Variants in TNR observed in about 807,000 individuals in gnomAD.
TNR encodes tenascin R.
A neutral mutation model predicts 150.4 loss-of-function variants in TNR; 45 were observed. The ratio of observed to expected loss-of-function variants is 0.30; its 90% CI spans 0.24 to 0.38. TNR has a LOEUF of 0.38. TNR is among the 10% of genes least tolerant of loss of function. The pLI, the probability that TNR is intolerant of heterozygous loss-of-function variation, is 1.00. For missense variants in TNR, 1,544 were observed against 1,759.1 expected (o/e 0.88, Z 2.19); for synonymous variants, 687 against 678.4 (o/e 1.01, Z -0.20).
intron 1 of TNR, among the ~76,000 whole-genome samples, chr1:175,550,000 A>G (rs895356839): frequency 6.6e-6 from 1 of 152,186 alleles, no homozygotes; most frequent in African/African-American, 2.4e-5. Context: ...GTTGTGCAGC[A>G]ATAGAGAGCT....
At chr1:175,451,786 A>ATG (rs1656335686) in intron 2 of TNR, among the ~76,000 whole-genome samples, 1 of 152,192 alleles carries the variant, frequency 6.6e-6, no homozygotes, top group South Asian at 2.1e-4. Context: ...CTGAAAAATG[A>ATG]CTTAGCATTT....
chr1:175,656,346 C>A (rs150924815), intron 1 of TNR, among the ~76,000 whole-genome samples: 1 of 152,262 alleles, frequency 6.6e-6, no homozygotes, highest in Non-Finnish European at 1.5e-5. Flanking sequence ...TAATGCAGGG[C>A]AGCCATAAGC....
chr1:175,644,542 C>A (rs1571707795), intron 1 of TNR, among the ~76,000 whole-genome samples: 1 of 152,302 alleles, frequency 6.6e-6, no homozygotes, highest in East Asian at 1.9e-4. Flanking sequence ...TCCTCAGCAG[C>A]CCTCATCCAA....
At chr1:175,388,717 G>A (rs1653043078) in intron 7 of TNR, among the ~76,000 whole-genome samples, 1 of 152,102 alleles carries the variant, frequency 6.6e-6, no homozygotes. Flanking sequence ...AAAGTAAACT[G>A]GAATAAATGT....
chr1:175,334,891 A>C (rs1177480939), intron 20 of TNR, among the ~76,000 whole-genome samples: 2 of 152,264 alleles, frequency 1.3e-5, no homozygotes, highest in Non-Finnish European at 2.9e-5. Flanking sequence ...AAAGACAAGA[A>C]GAACCTGTTG....
At chr1:175,336,422 C>G (rs940126211) in intron 19 of TNR, among the ~76,000 whole-genome samples, 1 of 152,196 alleles carries the variant, frequency 6.6e-6, no homozygotes, top group Admixed American at 6.5e-5. Context: ...CATCACCATT[C>G]AAAACCTACC....
intron 1 of TNR, among the ~76,000 whole-genome samples, chr1:175,560,302 A>C (rs973003251): frequency 1.3e-5 from 2 of 152,348 alleles, no homozygotes; most frequent in Non-Finnish European, 2.9e-5. Flanking sequence ...CTGCATCTTC[A>C]TCTAAATCCT....
At chr1:175,605,320 A>G (rs1327343745) in intron 1 of TNR, among the ~76,000 whole-genome samples, 1 of 152,184 alleles carries the variant, frequency 6.6e-6, no homozygotes, top group African/African-American at 2.4e-5. Context: ...CTCACTGTTG[A>G]GAGGTTTGTA....
At chr1:175,646,263 C>T (rs965761596) in intron 1 of TNR, among the ~76,000 whole-genome samples, 1 of 152,168 alleles carries the variant, frequency 6.6e-6, no homozygotes, top group African/African-American at 2.4e-5. Context: ...GGATCTAACA[C>T]CAATTTTGCA....
intron 1 of TNR, among the ~76,000 whole-genome samples, chr1:175,728,851 T>C (rs1015403205): frequency 2.0e-5 from 3 of 152,154 alleles, no homozygotes; most frequent in African/African-American, 7.2e-5. Context: ...TTTGCATAAG[T>C]GATATTGGAG....
chr1:175,666,733 C>G (rs1420288510), intron 1 of TNR, among the ~76,000 whole-genome samples: 1 of 152,208 alleles, frequency 6.6e-6, no homozygotes, highest in Non-Finnish European at 1.5e-5. Flanking sequence ...AAAACTTTCT[C>G]TGCTCCCTAG....
intron 2 of TNR, among the ~76,000 whole-genome samples, chr1:175,496,112 G>A (rs559403388): frequency 9.3e-4 from 141 of 152,238 alleles, no homozygotes; most frequent in African/African-American, 3.3e-3. Context: ...TCATGTTCTC[G>A]TGAGTTTTCC....
At chr1:175,459,722 G>A (rs1656729811) in intron 2 of TNR, among the ~76,000 whole-genome samples, 1 of 152,142 alleles carries the variant, frequency 6.6e-6, no homozygotes, top group Non-Finnish European at 1.5e-5. Context: ...GGCAGACAGG[G>A]GCTGTTTCTC....
chr1:175,645,119 A>G (rs919173940), intron 1 of TNR, among the ~76,000 whole-genome samples: 7 of 152,242 alleles, frequency 4.6e-5, no homozygotes, highest in Non-Finnish European at 1.5e-5. Flanking sequence ...TTAAAGAGAT[A>G]CAAATGAAGT....
intron 21 of TNR, among the ~76,000 whole-genome samples, chr1:175,328,368 G>A (rs1649532193): frequency 6.6e-6 from 1 of 152,154 alleles, no homozygotes; most frequent in Non-Finnish European, 1.5e-5. Flanking sequence ...TGGGAAATGG[G>A]GAGCAGGAGA....
chr1:175,425,788 G>T (rs981654811), intron 2 of TNR, among the ~76,000 whole-genome samples: 1 of 152,116 alleles, frequency 6.6e-6, no homozygotes, highest in East Asian at 1.9e-4. Context: ...GGGAACATAG[G>T]GTCCATCAGG....
chr1:175,395,605 AT>A (rs35344788), intron 5 of TNR, among the ~76,000 whole-genome samples: 71,705 of 151,942 alleles, frequency 0.47, 17,315 homozygotes, highest in East Asian at 0.62. Flanking sequence ...GCACAGAGGC[AT>A]TTGTGTGCAT....
chr1:175,432,024 T>C (rs1340606010), intron 2 of TNR, among the ~76,000 whole-genome samples: 1 of 149,204 alleles, frequency 6.7e-6, no homozygotes, highest in East Asian at 2.0e-4. Context: ...GCTGGCAAGA[T>C]ATAAGAAGGC....
chr1:175,446,942 A>G (rs1300912534), intron 2 of TNR, among the ~76,000 whole-genome samples: 1 of 152,088 alleles, frequency 6.6e-6, no homozygotes, highest in African/African-American at 2.4e-5. Flanking sequence ...CATGTGTGTT[A>G]TATGTATGTG....
Sources: allele counts gnomAD v4.1 joint callset (sites outside exome capture counted in the v4.1 genomes callset), GRCh38; gene constraint gnomAD v4.1.1; transcripts MANE v1.5; gene names NCBI Gene and HGNC (gene_info 2026-07-23, HGNC 2026-07-21).